The following UBE3A variants were observed in gnomAD, a reference collection of about 807,000 sequenced individuals.
The protein encoded by UBE3A is ubiquitin-protein ligase E3A.
UBE3A carries 6 observed loss-of-function variants against 83.4 expected under a neutral mutation model. The observed-to-expected ratio is 0.07, with a 90% CI of 0.04 to 0.14. The LOEUF (loss-of-function observed/expected upper bound fraction) is 0.14, where lower values mean the gene tolerates loss of function less well. Among genes scored for constraint, UBE3A ranks in the 10% least tolerant of loss-of-function variants. The pLI, the probability that UBE3A is intolerant of heterozygous loss-of-function variation, is 1.00. For missense variants in UBE3A, 456 were observed against 1,036.1 expected (o/e 0.44, Z 7.69); for synonymous variants, 337 against 355.4 (o/e 0.95, Z 0.58).
chr15:25,407,115 C>T (rs765490692), intron 3 of UBE3A: 1 of 1,351,022 alleles, frequency 7.4e-7, no homozygotes, highest in Non-Finnish European at 9.8e-7. Flanking sequence ...TGCTTCCAAA[C>T]TTGTATCTCC....
intron 6 of UBE3A, among the ~76,000 whole-genome samples, chr15:25,363,577 T>G (rs557415434): frequency 1.1e-4 from 17 of 152,174 alleles, no homozygotes; most frequent in Non-Finnish European, 2.2e-4. Flanking sequence ...TCACAGTAAG[T>G]CACAGTAAGT....
At chr15:25,396,956 A>G (rs1378929284) in intron 4 of UBE3A, among the ~76,000 whole-genome samples, 1 of 152,210 alleles carries the variant, frequency 6.6e-6, no homozygotes, top group Admixed American at 6.5e-5. Context: ...TCATGCTTCA[A>G]CAAATGTGGG....
At chr15:25,351,977 AGAGGTCAG>A (rs905663872) in intron 11 of UBE3A, among the ~76,000 whole-genome samples, 2 of 151,608 alleles carry the variant, frequency 1.3e-5, no homozygotes, top group African/African-American at 4.8e-5. Flanking sequence ...GCGGATCACC[AGAGGTCAG>A]GAGTTTGAGA....
At chr15:25,350,586 G>A (rs973581015) in intron 11 of UBE3A, among the ~76,000 whole-genome samples, 5 of 151,988 alleles carry the variant, frequency 3.3e-5, no homozygotes, top group African/African-American at 1.2e-4. Context: ...ATATGCTTTG[G>A]AAACTCCACT....
At position 25,398,806 on chromosome 15, in the gene UBE3A, TATATATATAA is replaced by T. The variant is rs1332757286; in HGVS notation, c.62+6645_62+6654del. On this transcript the variant is annotated intron_variant, in intron 4 of 12. Coordinates refer to ENST00000648336, the MANE Select transcript of UBE3A (RefSeq NM_130839.5). ...ATATATATATATATATATATATATA[TATATATATAA>T]AAATACATATATATCCAAGTGTGAC... is the stretch of plus-strand genomic sequence containing the variant. Among the ~76,000 whole-genome samples, 1,275 of 65,958 alleles carry T rather than the reference TATATATATAA, an allele frequency of 0.019. 96 individuals are homozygous for T. In the East Asian group the frequency reaches 0.26, roughly 14 times the overall value. The allele number at this position is 65,958 out of a possible 152,430, so 43.3% of individuals were successfully genotyped here. A position where few individuals can be genotyped will look rare whatever the true frequency, so the allele number is the denominator to read the frequency against.
intron 6 of UBE3A, among the ~76,000 whole-genome samples, chr15:25,366,536 T>C (rs1489991106): frequency 6.6e-6 from 1 of 152,188 alleles, no homozygotes; most frequent in Admixed American, 6.5e-5. Flanking sequence ...ATTCCTATTT[T>C]TGAACTTCCC....
At chr15:25,427,957 C>A (rs541216977) in intron 1 of UBE3A, among the ~76,000 whole-genome samples, 3 of 152,140 alleles carry the variant, frequency 2.0e-5, no homozygotes, top group East Asian at 3.9e-4. Context: ...AACAAGAAGC[C>A]ATTATGTTAA....
chr15:25,339,083 ATTTTTTC>A lies in UBE3A; in HGVS notation c.*47_*53del. On this transcript the variant is annotated 3_prime_UTR_variant, in exon 13 of 13. Transcript: ENST00000648336. ...TCGTTATATTTTTAAAATTTTTTAA[ATTTTTTC>A]TTTTTTTTTCCTTCCTTTTTTTTGT... The A allele has an allele frequency of 6.8e-7, 1 of 1,476,372 alleles. No homozygotes were observed. Among genetic ancestry groups the A allele is most frequent in the Non-Finnish European group, 8.9e-7 (1 of 1,119,124 alleles). The allele number at this position is 1,476,372 out of a possible 1,614,324, so 91.5% of individuals were successfully genotyped here.
chr15:25,340,319 A>G, intron 11 of UBE3A, 91 bp from the exon 12 acceptor site: 1 of 1,444,278 alleles, frequency 6.9e-7, no homozygotes, highest in South Asian at 1.2e-5. Context: ...AAACTATATT[A>G]AGAGACAACT....
At chr15:25,408,683 C>T (rs2089280226) in intron 3 of UBE3A, 1 of 1,603,720 alleles carries the variant, frequency 6.2e-7, no homozygotes, top group Admixed American at 1.7e-5. Flanking sequence ...CACTGTAACT[C>T]TCTAGGAGAG....
chr15:25,384,655 G>GA (rs148771091), intron 4 of UBE3A, among the ~76,000 whole-genome samples: 8,111 of 148,332 alleles, frequency 0.055, 510 homozygotes, highest in African/African-American at 0.16. Flanking sequence ...TACAGAAACA[G>GA]AAAAAAAAAA....
chr15:25,403,506 A>C lies in UBE3A; in HGVS notation c.62+1955T>G, dbSNP rs141429266. On this transcript the variant is annotated intron_variant, in intron 4 of 12. Coordinates refer to ENST00000648336, the MANE Select transcript of UBE3A (RefSeq NM_130839.5). ...AGAGAAACTGGACCCCTTGTGCACT[A>C]GTGGTAGAAACGCAAATAGGTACAG... Among the ~76,000 whole-genome samples, 948 of 152,294 alleles carry C rather than the reference A, an allele frequency of 6.2e-3. 16 individuals are homozygous for C. Among genetic ancestry groups the C allele is most frequent in the Middle Eastern group, 0.01 (3 of 294 alleles).
chr15:25,433,437 C>T (rs1381137132), intron 1 of UBE3A, among the ~76,000 whole-genome samples: 2 of 152,124 alleles, frequency 1.3e-5, no homozygotes, highest in African/African-American at 2.4e-5. Flanking sequence ...CCGCCCGCCT[C>T]GGCTTCCCAA....
At chr15:25,364,632 GT>G (rs80152524) in intron 6 of UBE3A, among the ~76,000 whole-genome samples, 6 of 121,160 alleles carry the variant, frequency 5.0e-5, no homozygotes, top group South Asian at 5.0e-4. Context: ...GATTTTTAGG[GT>G]TTTTTTTGTT....
chr15:25,359,811 C>T (rs1011161821), intron 7 of UBE3A, among the ~76,000 whole-genome samples: 1 of 152,162 alleles, frequency 6.6e-6, no homozygotes, highest in Admixed American at 6.5e-5. Flanking sequence ...ATCCCATCAG[C>T]CTTTCCCAAA....
chr15:25,408,150 T>C (rs2089122671), intron 3 of UBE3A: 1 of 156,702 alleles, frequency 6.4e-6, no homozygotes, highest in Non-Finnish European at 1.4e-5. Flanking sequence ...GCCCAGAAGG[T>C]CAAAGTTGCA....
chr15:25,334,268 A>T lies in UBE3A; in HGVS notation c.*4869T>A, dbSNP rs1005906572. 6.6e-6 allele frequency: 1 copy of T among 151,916 alleles called. No individual in the cohort carries two copies. Among genetic ancestry groups the T allele is most frequent in the Non-Finnish European group, 1.5e-5 (1 of 68,032 alleles). The allele number at this position is 151,916 out of a possible 1,614,324, so 9.4% of individuals were successfully genotyped here. A position where few individuals can be genotyped will look rare whatever the true frequency, so the allele number is the denominator to read the frequency against. On this transcript the variant is annotated 3_prime_UTR_variant, in exon 13 of 13. Transcript: ENST00000648336. ...ATATACAAAAATTAATTTTATTTCT[A>T]ACACCAGTGATGAATACAAAAATAA...
At position 25,363,014 on chromosome 15, in the gene UBE3A, G is replaced by T. The variant is rs2078378239; in HGVS notation, c.1609-2487C>A. Among the ~76,000 whole-genome samples, 3 of 152,148 alleles carry T rather than the reference G, an allele frequency of 2.0e-5. No individual in the cohort carries two copies. In the East Asian group the frequency reaches 5.8e-4, roughly 29 times the overall value. On this transcript the variant is annotated intron_variant, in intron 6 of 12. Transcript: ENST00000648336. ...GTAAAACCTTTTAAAGGATGTGGTG[G>T]TGAATTTCTACAGGATTGAGAGGCC...
At chr15:25,350,292 G>A (rs1211232198) in intron 11 of UBE3A, among the ~76,000 whole-genome samples, 1 of 147,896 alleles carries the variant, frequency 6.8e-6, no homozygotes, top group African/African-American at 2.5e-5. Context: ...CAGAGACTTT[G>A]TCTCTTTAAA....
Sources: gnomAD v4.1 joint callset for allele counts (sites outside exome capture counted in the v4.1 genomes callset) on GRCh38, gnomAD v4.1.1 for gene constraint, MANE v1.5 for transcripts, NCBI Gene and HGNC (gene_info 2026-07-23, HGNC 2026-07-21) for gene names.